RFX2: variants seen among roughly 807,000 people sequenced by gnomAD.
RFX2 encodes DNA-binding protein RFX2.
Under a neutral mutation model 87.8 loss-of-function variants are expected in RFX2, and 20 were observed. The ratio of observed to expected loss-of-function variants is 0.23; its 90% CI spans 0.16 to 0.33. The LOEUF (loss-of-function observed/expected upper bound fraction) is 0.33. Ranked by LOEUF, RFX2 falls within the 10% of genes least tolerant of loss-of-function variation. The probability of loss-of-function intolerance (pLI) is 1.00; values close to 1 mark genes in which losing one functional copy is unlikely to be tolerated. For synonymous variants in RFX2, 397 were observed against 431.3 expected, an observed-to-expected ratio of 0.92 and a Z score of 0.98; for missense variants, 767 against 1,012.3, an observed-to-expected ratio of 0.76 and a Z score of 3.29.
At chr19:6,103,959 T>C (rs2144911970) in intron 1 of RFX2, among the ~76,000 whole-genome samples, 1 of 152,294 alleles carries the variant, frequency 6.6e-6, no homozygotes, top group Admixed American at 6.5e-5. Flanking sequence ...TCTGAGCACC[T>C]ATTAGATGCC....
Position 6,027,277 on chromosome 19 carries a change from G to A in RFX2, c.523-1040C>T, listed in dbSNP as rs1230214488. 1 of 152,246 alleles carries A rather than the reference G, an allele frequency of 6.6e-6. No individual in the cohort carries two copies. The highest frequency in any genetic ancestry group is 2.4e-5 in the African/African-American group (1 of 41,442). 9.4% of individuals were successfully genotyped at this position (152,246 alleles called of 1,614,324 possible). ...TCTCCCACGGCCTCCGACCACGGTG[G>A]TTCTGCCTTCTCTCATTAGCTACCC... On this transcript the variant is annotated intron_variant, in intron 5 of 17. Transcript: ENST00000303657. This position sits in a 1 kb window ranked among gnomAD's most constrained non-coding sequence, Gnocchi z 5.0.
intron 1 of RFX2, among the ~76,000 whole-genome samples, chr19:6,090,297 G>A (rs1346983787): frequency 6.6e-6 from 1 of 150,536 alleles, no homozygotes; most frequent in African/African-American, 2.5e-5. Flanking sequence ...AAATTTCTCA[G>A]CCGGGTGAGG....
At chr19:6,072,739 C>T (rs1052346236) in intron 1 of RFX2, 7 of 502,076 alleles carry the variant, frequency 1.4e-5, no homozygotes, top group African/African-American at 1.2e-4. Flanking sequence ...CTTCCAAGGA[C>T]ATAACAAAGA....
chr19:6,071,177 C>G (rs1479990900), intron 1 of RFX2, among the ~76,000 whole-genome samples: 1 of 152,192 alleles, frequency 6.6e-6, no homozygotes, highest in African/African-American at 2.4e-5. Context: ...GTGTTAGAGT[C>G]ACATATTAAA....
chr19:6,054,128 T>G (rs1453658151), intron 1 of RFX2, among the ~76,000 whole-genome samples: 1 of 152,000 alleles, frequency 6.6e-6, no homozygotes, highest in Non-Finnish European at 1.5e-5. Flanking sequence ...TACAAACAAC[T>G]TTAGCCCATA....
chr19:6,009,413 G>A (rs1243803289), intron 9 of RFX2, among the ~76,000 whole-genome samples: 1 of 152,118 alleles, frequency 6.6e-6, no homozygotes, highest in Admixed American at 6.5e-5. Context: ...CACTAAGCCA[G>A]CTGGGGAAGA....
At chr19:6,105,513 T>G (rs1262726877) in intron 1 of RFX2, among the ~76,000 whole-genome samples, 1 of 152,086 alleles carries the variant, frequency 6.6e-6, no homozygotes, top group Non-Finnish European at 1.5e-5. Context: ...TGGCTTTTGC[T>G]GCAGATGAGA....
intron 1 of RFX2, among the ~76,000 whole-genome samples, chr19:6,103,941 T>TA (rs2088168676): frequency 6.6e-6 from 1 of 152,210 alleles, no homozygotes; most frequent in African/African-American, 2.4e-5. Flanking sequence ...TAACAACAGT[T>TA]ACTTTTTTCT....
Position 6,002,162 on chromosome 19 carries a change from A to C in RFX2, c.1651-139T>G. 1.4e-6 allele frequency: 1 copy of C among 707,650 alleles called. No homozygotes were observed. Among genetic ancestry groups the C allele is most frequent in the Non-Finnish European group, 2.2e-6 (1 of 445,454 alleles). 43.8% of individuals were successfully genotyped at this position (707,650 alleles called of 1,614,324 possible). ...CCTTGACCTTGACAGCTGCAAGCCA[A>C]GTCCTGTGTCTCCCGTCACAGGGGC... On this transcript the variant is annotated intron_variant, in intron 14 of 17. Coordinates refer to ENST00000303657, the MANE Select transcript of RFX2 (RefSeq NM_000635.4). The surrounding 1 kb of genome is among the most constrained non-coding windows in gnomAD (Gnocchi z 6.7).
Position 6,001,851 on chromosome 19 carries a change from G to A in RFX2, c.1823C>T (p.Ala608Val). ...CCATTTCAGCAAGAACTGCCGGGCG[G>A]CCTTGGGGAAGCTGGGGCTGCCGGC... ...QHAGSPSFPK[A>V]ARQFLLKWSF... Residue 608 changes from alanine to valine, a missense_variant, in exon 15 of 18, where the codon GCC (alanine) becomes GTC (valine). Physicochemically the swap from Ala to Val is moderately conservative, Grantham distance 64. Coordinates refer to ENST00000303657, the MANE Select transcript of RFX2 (RefSeq NM_000635.4). The surrounding 1 kb of genome is among the most constrained non-coding windows in gnomAD (Gnocchi z 5.6). The A allele has an allele frequency of 6.2e-7, 1 of 1,612,980 alleles. No individual in the cohort carries two copies. Among genetic ancestry groups the A allele is most frequent in the Admixed American group, 1.7e-5 (1 of 59,996 alleles).
In RFX2 at chr19:6,057,716, T is replaced by C. The variant is rs573635514; in HGVS notation, c.-8-10212A>G. ...GAGTTCATCTGCCCTAAGAAAGCAATTAATTTCCTCCCTCTGAACAAGAAG... is the reference window on the plus strand; with the variant it reads ...GAGTTCATCTGCCCTAAGAAAGCAACTAATTTCCTCCCTCTGAACAAGAAG... On this transcript the variant is annotated intron_variant, in intron 1 of 17. Transcript: ENST00000303657. 4.3e-4 allele frequency among the ~76,000 whole-genome samples: 66 copies of C among 152,170 alleles called. 2 individuals carry two copies. The South Asian group carries it at 6.6e-3, about 15-fold the overall frequency.
Position 6,074,499 on chromosome 19 carries a change from T to TCATTCAACAAACACAGTCTG in RFX2, c.-8-27015_-8-26996dup, listed in dbSNP as rs1474447889. On this transcript the variant is annotated intron_variant, in intron 1 of 17. Coordinates refer to ENST00000303657, the MANE Select transcript of RFX2 (RefSeq NM_000635.4). The surrounding 1 kb of genome is among the most constrained non-coding windows in gnomAD (Gnocchi z 5.2). ...GCCTGGACACTCAGCCATCGTTCAT[T>TCATTCAACAAACACAGTCTG]CATTCAACAAACACAGTCTGAGCAT... Among the ~76,000 whole-genome samples the TCATTCAACAAACACAGTCTG allele has an allele frequency of 6.6e-6, 1 of 152,176 alleles. No homozygotes were observed. Among genetic ancestry groups the TCATTCAACAAACACAGTCTG allele is most frequent in the African/African-American group, 2.4e-5 (1 of 41,450 alleles).
chr19:6,043,601 A>G (rs926758744), intron 3 of RFX2, among the ~76,000 whole-genome samples: 1 of 152,244 alleles, frequency 6.6e-6, no homozygotes, highest in African/African-American at 2.4e-5. Context: ...CATATCATTT[A>G]TGGCTGCTTT....
At chr19:6,073,029 C>T in intron 1 of RFX2, 1 of 508,178 alleles carries the variant, frequency 2.0e-6, no homozygotes, top group Non-Finnish European at 3.6e-6. Context: ...GTGCAGGCTG[C>T]AGTGCAGTGG....
At position 6,023,676 on chromosome 19, in the gene RFX2, C is replaced by T. The variant is rs559138868; in HGVS notation, c.597+2487G>A. ...TCAGCTCGGGAATACGAATCTTCAT[C>T]GGGGAAGCGACCTGAGAAAGTCTGC... On this transcript the variant is annotated intron_variant, in intron 6 of 17. Coordinates refer to ENST00000303657, the MANE Select transcript of RFX2 (RefSeq NM_000635.4). The surrounding 1 kb of genome is among the most constrained non-coding windows in gnomAD (Gnocchi z 4.9). Among the ~76,000 whole-genome samples, 1 of 152,266 alleles carries T rather than the reference C, an allele frequency of 6.6e-6. No homozygotes were observed. Among genetic ancestry groups the T allele is most frequent in the Non-Finnish European group, 1.5e-5 (1 of 68,014 alleles).
At position 5,994,574 on chromosome 19, in the gene RFX2, T is replaced by C. The variant is rs910267677; in HGVS notation, c.*261A>G. On this transcript the variant is annotated 3_prime_UTR_variant, in exon 18 of 18. Coordinates refer to ENST00000303657, the MANE Select transcript of RFX2 (RefSeq NM_000635.4). Reference sequence around the variant, plus strand: ...GGGTTTGTCCAGAATAAGGAACCCATGGTCTGGTGGGGCCCTGGTGGCTGC... The same window carrying C: ...GGGTTTGTCCAGAATAAGGAACCCACGGTCTGGTGGGGCCCTGGTGGCTGC... 2.0e-6 allele frequency: 1 copy of C among 511,596 alleles called. No homozygotes were observed. The highest frequency in any genetic ancestry group is 3.2e-5 in the East Asian group (1 of 31,656). The allele number at this position is 511,596 out of a possible 1,614,324, so 31.7% of individuals were successfully genotyped here.
intron 1 of RFX2, among the ~76,000 whole-genome samples, chr19:6,060,956 C>T (rs73923434): frequency 0.016 from 2,424 of 152,194 alleles, 29 homozygotes; most frequent in Middle Eastern, 0.082. Flanking sequence ...TCTGCCTGGG[C>T]GCCCCTCAGG....
Position 6,040,036 on chromosome 19 carries a change from C to A in RFX2, c.466G>T (p.Gly156Trp). The A allele has an allele frequency of 6.2e-7, 1 of 1,609,566 alleles. No individual in the cohort carries two copies. Among genetic ancestry groups the A allele is most frequent in the South Asian group, 1.1e-5 (1 of 90,778 alleles). Residue 156 changes from glycine (G) to tryptophan (W), a missense_variant, in exon 5 of 18, where the codon GGG (glycine) becomes TGG (tryptophan). Coordinates refer to ENST00000303657, the MANE Select transcript of RFX2 (RefSeq NM_000635.4). The surrounding 1 kb of genome is among the most constrained non-coding windows in gnomAD (Gnocchi z 6.1). ...AGGGAGTGTCTGGTGCTGTCCATCCCCCCGTGGATGAGATAGGCTCCCGCG... is the reference window on the plus strand; with the variant it reads ...AGGGAGTGTCTGGTGCTGTCCATCCACCCGTGGATGAGATAGGCTCCCGCG... The part of the protein sequence containing the change: ...SSAGAYLIHG[G>W]MDSTRHSLAH...
rs1223212060 is a variant in RFX2, at chr19:6,045,128, C to A, written c.91-846G>T. On this transcript the variant is annotated intron_variant, in intron 2 of 17. Coordinates refer to ENST00000303657, the MANE Select transcript of RFX2 (RefSeq NM_000635.4). The surrounding 1 kb of genome is among the most constrained non-coding windows in gnomAD (Gnocchi z 5.2). ...CAGGTAGCAGTGACTGCCATATATACATCACGAGGGGTGATGGGTGAGGAC... is the reference window on the plus strand; with the variant it reads ...CAGGTAGCAGTGACTGCCATATATAAATCACGAGGGGTGATGGGTGAGGAC... 6.6e-6 allele frequency among the ~76,000 whole-genome samples: 1 copy of A among 152,174 alleles called. No homozygotes were observed. Among genetic ancestry groups the A allele is most frequent in the Non-Finnish European group, 1.5e-5 (1 of 68,030 alleles).
Sources: allele counts gnomAD v4.1 joint callset (sites outside exome capture counted in the v4.1 genomes callset), GRCh38; gene constraint gnomAD v4.1.1; non-coding constraint Gnocchi (gnomAD v3.1); transcripts MANE v1.5; gene names NCBI Gene and HGNC (gene_info 2026-07-23, HGNC 2026-07-21).